ZFPM2: variants seen among roughly 807,000 people sequenced by gnomAD.
The protein encoded by ZFPM2 is zinc finger protein, FOG family member 2.
A neutral mutation model predicts 98.6 loss-of-function variants in ZFPM2; 20 were observed. The observed-to-expected ratio is 0.20, with a 90% CI of 0.14 to 0.29. The LOEUF (loss-of-function observed/expected upper bound fraction) is 0.29. Among genes scored for constraint, ZFPM2 ranks in the 10% least tolerant of loss-of-function variants. The probability of loss-of-function intolerance (pLI) is 1.00; values close to 1 mark genes in which losing one functional copy is unlikely to be tolerated. For synonymous variants in ZFPM2, 518 were observed against 502.7 expected, an observed-to-expected ratio of 1.03 and a Z score of -0.41; for missense variants, 1,310 against 1,388.6, an observed-to-expected ratio of 0.94 and a Z score of 0.90.
Position 105,802,264 on chromosome 8 carries a change from G to T in ZFPM2, c.2182G>T (p.Ala728Ser). ...LKRSASNKVP[A>S]MQRTMRTRKR... ...GAGGTCTGCTTCCAACAAAGTGCCT[G>T]CCATGCAGAGAACCATGCGCACACG... is the stretch of plus-strand genomic sequence containing the variant. Residue 728 changes from alanine (A) to serine (S), a missense_variant, in exon 8 of 8, where the codon GCC (alanine) becomes TCC (serine). Coordinates refer to ENST00000407775, the MANE Select transcript of ZFPM2 (RefSeq NM_012082.4). 1 of 1,613,828 alleles carries T rather than the reference G, an allele frequency of 6.2e-7. No individual in the cohort carries two copies. Among genetic ancestry groups the T allele is most frequent in the Non-Finnish European group, 8.5e-7 (1 of 1,179,844 alleles).
intron 2 of ZFPM2, among the ~76,000 whole-genome samples, chr8:105,429,887 GTTAA>G (rs1811986317): frequency 6.6e-6 from 1 of 152,112 alleles, no homozygotes; most frequent in African/African-American, 2.4e-5. Flanking sequence ...TTTTCACACT[GTTAA>G]TTGTCAAATG....
intron 3 of ZFPM2, among the ~76,000 whole-genome samples, chr8:105,485,563 G>A (rs1813215542): frequency 1.3e-5 from 2 of 152,092 alleles, no homozygotes. Context: ...TCTGTGTAAC[G>A]GCCTGTAAGC....
chr8:105,586,167 AATT>A (rs1338846209), intron 4 of ZFPM2, among the ~76,000 whole-genome samples: 3 of 152,094 alleles, frequency 2.0e-5, no homozygotes, highest in South Asian at 2.1e-4. Context: ...AGAATGAAAT[AATT>A]ATTTAGTTTG....
intron 3 of ZFPM2, among the ~76,000 whole-genome samples, chr8:105,492,492 T>C (rs964109735): frequency 6.6e-6 from 1 of 152,148 alleles, no homozygotes; most frequent in Admixed American, 6.5e-5. Flanking sequence ...GAAGAAAAGA[T>C]ACATATATTG....
intron 4 of ZFPM2, among the ~76,000 whole-genome samples, chr8:105,581,499 G>A (rs1342598279): frequency 1.3e-5 from 2 of 152,104 alleles, no homozygotes; most frequent in Non-Finnish European, 2.9e-5. Flanking sequence ...TTGATGTCTG[G>A]TAGACTGCAA....
chr8:105,717,811 C>T (rs955485618), intron 5 of ZFPM2, among the ~76,000 whole-genome samples: 2 of 151,508 alleles, frequency 1.3e-5, no homozygotes, highest in African/African-American at 4.8e-5. Context: ...TTGTCACATG[C>T]CTTGTCTTTA....
chr8:105,446,652 T>TA (rs565544097), intron 3 of ZFPM2, among the ~76,000 whole-genome samples: 31 of 152,286 alleles, frequency 2.0e-4, no homozygotes, highest in Admixed American at 1.0e-3. Context: ...TTGCTGTTGG[T>TA]AAAAAAACTT....
chr8:105,633,043 C>A (rs1334027309), intron 4 of ZFPM2, among the ~76,000 whole-genome samples: 1 of 152,100 alleles, frequency 6.6e-6, no homozygotes, highest in African/African-American at 2.4e-5. Context: ...TTCAGTACGG[C>A]TTTGCAGTTA....
At chr8:105,772,888 G>GGGGAAA (rs1209231808) in intron 5 of ZFPM2, among the ~76,000 whole-genome samples, 1 of 152,118 alleles carries the variant, frequency 6.6e-6, no homozygotes, top group South Asian at 2.1e-4. Flanking sequence ...CTGTTTCAGA[G>GGGGAAA]GGGAAAGTTA....
chr8:105,651,771 T>C (rs950368179), intron 5 of ZFPM2, among the ~76,000 whole-genome samples: 25 of 152,176 alleles, frequency 1.6e-4, no homozygotes, highest in African/African-American at 5.8e-4. Flanking sequence ...TGAATTATTA[T>C]GTAATGAGAT....
At chr8:105,646,342 G>A (rs1342736665) in intron 5 of ZFPM2, among the ~76,000 whole-genome samples, 2 of 152,086 alleles carry the variant, frequency 1.3e-5, no homozygotes. Context: ...GGTAGTGTCG[G>A]GTGGTTCGTT....
chr8:105,453,650 T>C (rs1206568187), intron 3 of ZFPM2, among the ~76,000 whole-genome samples: 2 of 152,056 alleles, frequency 1.3e-5, no homozygotes, highest in Non-Finnish European at 2.9e-5. Context: ...TGTTTTGTTT[T>C]TTTCTTTTTG....
chr8:105,569,268 T>C (rs904814459), intron 4 of ZFPM2, among the ~76,000 whole-genome samples: 7 of 152,182 alleles, frequency 4.6e-5, no homozygotes, highest in African/African-American at 1.7e-4. Flanking sequence ...TACTAAGAGC[T>C]CAATGAATAA....
At position 105,419,220 on chromosome 8, in the gene ZFPM2, C is replaced by T; in HGVS notation, c.117C>T (p.Asp39=). The change falls in exon 2 of 8, where the codon GAC becomes GAT. Residue 39 remains aspartate (D), a synonymous_variant. Transcript: ENST00000407775. Reference sequence around the variant, plus strand: ...AAACAGACATCATCTCCAAAGGAGACTTTCCATTGGAGGAAAGCTTTTCCA... The same window carrying T: ...AAACAGACATCATCTCCAAAGGAGATTTTCCATTGGAGGAAAGCTTTTCCA... ...SEETDIISKG[D]FPLEESFSTE... is the part of the protein sequence containing the mutation. 6.2e-7 allele frequency: 1 copy of T among 1,613,456 alleles called. No homozygotes were observed. Among genetic ancestry groups the T allele is most frequent in the African/African-American group, 1.3e-5 (1 of 75,038 alleles).
At chr8:105,501,783 C>G (rs1813601091) in intron 3 of ZFPM2, among the ~76,000 whole-genome samples, 1 of 152,132 alleles carries the variant, frequency 6.6e-6, no homozygotes, top group African/African-American at 2.4e-5. Context: ...CCATGCCCAT[C>G]TTCTTTTCTT....
At chr8:105,437,809 C>G (rs1320522410) in intron 2 of ZFPM2, among the ~76,000 whole-genome samples, 1 of 151,988 alleles carries the variant, frequency 6.6e-6, no homozygotes, top group Non-Finnish European at 1.5e-5. Flanking sequence ...TTAAGAGGCC[C>G]GGGTGAGTGG....
intron 5 of ZFPM2, among the ~76,000 whole-genome samples, chr8:105,777,411 G>A (rs188141433): frequency 6.6e-6 from 1 of 152,270 alleles, no homozygotes; most frequent in Non-Finnish European, 1.5e-5. Flanking sequence ...ATTGGAAAAG[G>A]CAAAGAATAA....
At chr8:105,736,428 G>T (rs143094893) in intron 5 of ZFPM2, among the ~76,000 whole-genome samples, 81 of 151,914 alleles carry the variant, frequency 5.3e-4, no homozygotes, top group African/African-American at 1.8e-3. Context: ...CATTCATAAG[G>T]AGCCAGTGTG....
intron 3 of ZFPM2, among the ~76,000 whole-genome samples, chr8:105,447,928 C>G (rs1237251995): frequency 6.6e-6 from 1 of 152,040 alleles, no homozygotes; most frequent in Non-Finnish European, 1.5e-5. Flanking sequence ...TTTGTTATCA[C>G]TATTGCTCAC....
Sources: gnomAD v4.1 joint callset for allele counts (sites outside exome capture counted in the v4.1 genomes callset) on GRCh38, gnomAD v4.1.1 for gene constraint, MANE v1.5 for transcripts, NCBI Gene and HGNC (gene_info 2026-07-23, HGNC 2026-07-21) for gene names.